Variants in WDR27 observed in about 807,000 individuals in gnomAD.
WDR27 encodes WD repeat-containing protein 27.
In WDR27, 100 loss-of-function variants were observed where a neutral mutation model predicts 114.4. The observed-to-expected ratio is 0.87, with a 90% CI of 0.74 to 1.03. The LOEUF (loss-of-function observed/expected upper bound fraction) is 1.03, where lower values mean the gene tolerates loss of function less well. Ranked by LOEUF, WDR27 falls within the 50% of genes least tolerant of loss-of-function variation. The pLI is 0.00. For synonymous variants in WDR27, 449 were observed against 423.1 expected (o/e 1.06, Z -0.75); for missense variants, 1,129 against 1,092.9 (o/e 1.03, Z -0.47).
chr6:169,577,069 A>G (rs1429942505), intron 24 of WDR27, among the ~76,000 whole-genome samples: 1 of 147,108 alleles, frequency 6.8e-6, no homozygotes, highest in Admixed American at 6.8e-5. Context: ...CCTCTCAAAT[A>G]TGCTCAAAAA....
chr6:169,652,086 T>C (rs1056797256), intron 13 of WDR27, 78 bp from the exon 14 acceptor site: 1 of 1,282,134 alleles, frequency 7.8e-7, no homozygotes, highest in Non-Finnish European at 1.1e-6. Flanking sequence ...GAACAGAGTC[T>C]CTTCAAAACA....
At chr6:169,587,994 C>T (rs1219596807) in intron 23 of WDR27, among the ~76,000 whole-genome samples, 1 of 152,236 alleles carries the variant, frequency 6.6e-6, no homozygotes, top group African/African-American at 2.4e-5. Context: ...GGGGCACTTC[C>T]TATGGGCCCC....
At chr6:169,535,344 G>A (rs1796086452) in intron 25 of WDR27, among the ~76,000 whole-genome samples, 1 of 152,122 alleles carries the variant, frequency 6.6e-6, no homozygotes, top group African/African-American at 2.4e-5. Context: ...TGTCAGGGCC[G>A]ATTTTCCCTT....
At chr6:169,616,991 A>G (rs186391423) in intron 21 of WDR27, among the ~76,000 whole-genome samples, 57 of 152,296 alleles carry the variant, frequency 3.7e-4, no homozygotes, top group South Asian at 1.9e-3. Context: ...AGCATGAAAA[A>G]TCAAGCAACA....
At chr6:169,440,379 A>T in the WDR27 span, among the ~76,000 whole-genome samples, 1 of 152,208 alleles carries the variant, frequency 6.6e-6, no homozygotes, top group African/African-American at 2.4e-5. Flanking sequence ...TTACAGTTTA[A>T]ATTTAGTTTT....
intron 23 of WDR27, among the ~76,000 whole-genome samples, chr6:169,598,439 CT>C (rs976525889): frequency 3.9e-5 from 6 of 152,196 alleles, no homozygotes; most frequent in Non-Finnish European, 7.3e-5. Context: ...CAAACTCACC[CT>C]TTGTAAGGAC....
intron 23 of WDR27, among the ~76,000 whole-genome samples, chr6:169,583,444 TAA>T: frequency 2.7e-5 from 4 of 148,700 alleles, no homozygotes; most frequent in African/African-American, 7.4e-5. Flanking sequence ...TAGCTGTTGA[TAA>T]ATAAGTTCCT....
chr6:169,516,054 G>A (rs1292533457), intron 25 of WDR27, among the ~76,000 whole-genome samples: 1 of 151,270 alleles, frequency 6.6e-6, no homozygotes, highest in East Asian at 1.9e-4. Flanking sequence ...AGAGGAGAAC[G>A]GTAGAAAAAT....
At chr6:169,491,375 G>T (rs1245321301) in intron 25 of WDR27, among the ~76,000 whole-genome samples, 1 of 152,082 alleles carries the variant, frequency 6.6e-6, no homozygotes, top group African/African-American at 2.4e-5. Context: ...TATCTGAAAT[G>T]TGAAATTCCA....
chr6:169,532,145 T>C (rs529211826), intron 25 of WDR27, among the ~76,000 whole-genome samples: 1 of 152,284 alleles, frequency 6.6e-6, no homozygotes, highest in African/African-American at 2.4e-5. Context: ...TTTTGAATAA[T>C]TATTTGAAGA....
the WDR27 span, among the ~76,000 whole-genome samples, chr6:169,436,551 T>C: frequency 6.6e-6 from 1 of 152,076 alleles, no homozygotes; most frequent in Non-Finnish European, 1.5e-5. Flanking sequence ...GATTAGAAGA[T>C]AATGTGAAAT....
chr6:169,579,007 T>G (rs1802920110), intron 24 of WDR27, among the ~76,000 whole-genome samples: 1 of 152,122 alleles, frequency 6.6e-6, no homozygotes, highest in African/African-American at 2.4e-5. Context: ...AGAGTCTGCC[T>G]CCTGGCTGAG....
intron 25 of WDR27, among the ~76,000 whole-genome samples, chr6:169,523,836 T>C (rs1055400598): frequency 6.6e-6 from 1 of 152,158 alleles, no homozygotes; most frequent in African/African-American, 2.4e-5. Flanking sequence ...GCTAACACTG[T>C]ACTGAATAAG....
rs1780407467 is a variant in WDR27 at position 169,649,531 on chromosome 6, C to T, written c.1482-256G>A. On this transcript the variant is annotated intron_variant, in intron 14 of 25. Coordinates refer to ENST00000448612, the MANE Select transcript of WDR27 (RefSeq NM_182552.5). ...AAAATCCTGGAATAGGACCCTGATGCTTGGCTTTTCCTTTAAGTCCAAAGC... is the reference window on the plus strand; with the variant it reads ...AAAATCCTGGAATAGGACCCTGATGTTTGGCTTTTCCTTTAAGTCCAAAGC... Among the ~76,000 whole-genome samples the T allele has an allele frequency of 2.6e-5, 4 of 151,992 alleles. No individual in the cohort carries two copies. In the South Asian group the frequency reaches 8.3e-4, roughly 31 times the overall value.
At chr6:169,466,354 C>T (rs1176904455) in intron 25 of WDR27, among the ~76,000 whole-genome samples, 1 of 152,156 alleles carries the variant, frequency 6.6e-6, no homozygotes, top group South Asian at 2.1e-4. Context: ...CAGATTTCCA[C>T]ATGGCTGGGG....
chr6:169,489,758 T>C (rs1289325431), intron 25 of WDR27, among the ~76,000 whole-genome samples: 1 of 152,200 alleles, frequency 6.6e-6, no homozygotes, highest in East Asian at 1.9e-4. Flanking sequence ...ATGGTTGCAA[T>C]GTGTGGCCAA....
chr6:169,550,528 T>C (rs1232340046), intron 25 of WDR27, among the ~76,000 whole-genome samples: 1 of 151,988 alleles, frequency 6.6e-6, no homozygotes, highest in Non-Finnish European at 1.5e-5. Context: ...CAAGCAATTC[T>C]CCTGCCTCAG....
chr6:169,595,480 A>G (rs1006151261), intron 23 of WDR27, among the ~76,000 whole-genome samples: 1 of 152,138 alleles, frequency 6.6e-6, no homozygotes, highest in African/African-American at 2.4e-5. Context: ...TCCAATTTTA[A>G]TCATAATTAT....
chr6:169,535,994 A>G (rs1239600334), intron 25 of WDR27, among the ~76,000 whole-genome samples: 1 of 152,180 alleles, frequency 6.6e-6, no homozygotes, highest in African/African-American at 2.4e-5. Context: ...AAAACCAATA[A>G]CTACACACAA....
Sources: gnomAD v4.1 joint callset for allele counts (sites outside exome capture counted in the v4.1 genomes callset) on GRCh38, gnomAD v4.1.1 for gene constraint, MANE v1.5 for transcripts, NCBI Gene and HGNC (gene_info 2026-07-23, HGNC 2026-07-21) for gene names.